PHF20: variants seen among roughly 807,000 people sequenced by gnomAD.
PHF20 encodes glioma-expressed antigen 2.
PHF20 carries 23 observed loss-of-function variants against 113.5 expected under a neutral mutation model. The observed-to-expected ratio is 0.20, with a 90% CI of 0.15 to 0.29. The LOEUF (loss-of-function observed/expected upper bound fraction) is 0.29, where lower values mean the gene tolerates loss of function less well. PHF20 is among the 10% of genes least tolerant of loss of function. PHF20 has a pLI of 1.00. For synonymous variants in PHF20, 434 were observed against 457.3 expected (o/e 0.95, Z 0.65); for missense variants, 943 against 1,219.6 (o/e 0.77, Z 3.38).
intron 14 of PHF20, among the ~76,000 whole-genome samples, chr20:35,929,682 C>A (rs2055713133): frequency 6.6e-6 from 1 of 152,256 alleles, no homozygotes; most frequent in South Asian, 2.1e-4. Flanking sequence ...TTAGAAGTCA[C>A]ACACACCATC....
At chr20:35,819,508 G>A (rs1489329062) in intron 2 of PHF20, among the ~76,000 whole-genome samples, 1 of 152,050 alleles carries the variant, frequency 6.6e-6, no homozygotes, top group Non-Finnish European at 1.5e-5. Context: ...ATCATAGTTC[G>A]CTTCCATTTC....
chr20:35,772,153 G>A (rs1282280440), intron 1 of PHF20, 74 bp downstream of exon 1: 1 of 149,792 alleles, frequency 6.7e-6, no homozygotes, highest in Non-Finnish European at 1.5e-5. Context: ...CGCGCCGTGC[G>A]GGCGGGGACG....
At chr20:35,908,427 C>T (rs115776088) in intron 10 of PHF20, among the ~76,000 whole-genome samples, 75 of 152,348 alleles carry the variant, frequency 4.9e-4, no homozygotes, top group African/African-American at 1.8e-3. Flanking sequence ...ATCTTGCCCT[C>T]TCTGTCTCAA....
At chr20:35,868,518 A>G (rs950115357) in intron 6 of PHF20, among the ~76,000 whole-genome samples, 3 of 152,120 alleles carry the variant, frequency 2.0e-5, no homozygotes, top group Non-Finnish European at 2.9e-5. Context: ...AGGCAGGACA[A>G]TCACTTGAAC....
At chr20:35,796,792 C>T (rs778758770) in intron 1 of PHF20, among the ~76,000 whole-genome samples, 21 of 152,092 alleles carry the variant, frequency 1.4e-4, no homozygotes, top group African/African-American at 2.4e-4. Context: ...TCTACTTCTG[C>T]GTACATCCTG....
At chr20:35,841,333 A>G (rs990856221) in intron 2 of PHF20, among the ~76,000 whole-genome samples, 1 of 151,954 alleles carries the variant, frequency 6.6e-6, no homozygotes, top group Non-Finnish European at 1.5e-5. Flanking sequence ...ACAGAGTGAG[A>G]CCCTGTCTCA....
At chr20:35,791,061 G>A (rs2041535127) in intron 1 of PHF20, among the ~76,000 whole-genome samples, 1 of 152,102 alleles carries the variant, frequency 6.6e-6, no homozygotes, top group Non-Finnish European at 1.5e-5. Flanking sequence ...GTTTCACCAT[G>A]TTGGCCAGGC....
At chr20:35,803,369 G>C (rs1240458216) in intron 2 of PHF20, among the ~76,000 whole-genome samples, 2 of 151,346 alleles carry the variant, frequency 1.3e-5, no homozygotes, top group African/African-American at 2.4e-5. Context: ...TTTCATTCAG[G>C]CTGGAGTGTA....
intron 3 of PHF20, among the ~76,000 whole-genome samples, chr20:35,844,416 G>T (rs11907946): frequency 0.017 from 1,286 of 73,508 alleles, 22 homozygotes; most frequent in African/African-American, 0.048. Flanking sequence ...TTTTTTTTTT[G>T]GTTTTTTTTT....
At chr20:35,847,511 A>G in intron 4 of PHF20, 77 bp downstream of exon 4, 1 of 897,064 alleles carries the variant, frequency 1.1e-6, no homozygotes, top group Non-Finnish European at 1.8e-6. Context: ...TCAGAGCTTG[A>G]TAGTATATTT....
intron 2 of PHF20, among the ~76,000 whole-genome samples, chr20:35,829,329 T>C (rs989841604): frequency 6.6e-6 from 1 of 152,160 alleles, no homozygotes; most frequent in Non-Finnish European, 1.5e-5. Flanking sequence ...ACCAGCCTAC[T>C]TCTCCAAAAT....
chr20:35,794,389 CG>C (rs773006577), intron 1 of PHF20, among the ~76,000 whole-genome samples: 1 of 152,100 alleles, frequency 6.6e-6, no homozygotes, highest in Non-Finnish European at 1.5e-5. Flanking sequence ...GAACAGGGTC[CG>C]GGTGCCTTGT....
chr20:35,927,954 A>G, intron 14 of PHF20, 75 bp downstream of exon 14: 3 of 1,020,582 alleles, frequency 2.9e-6, no homozygotes, highest in Non-Finnish European at 4.7e-6. Context: ...ACACATTCTA[A>G]ATGTCTGCGG....
chr20:35,915,852 A>C (rs143614521), intron 12 of PHF20, among the ~76,000 whole-genome samples: 1 of 152,306 alleles, frequency 6.6e-6, no homozygotes, highest in Non-Finnish European at 1.5e-5. Flanking sequence ...TAAAAAATGA[A>C]AGCTGGGTGC....
chr20:35,902,101 A>G (rs2055108706), intron 10 of PHF20, among the ~76,000 whole-genome samples: 1 of 152,118 alleles, frequency 6.6e-6, no homozygotes, highest in Non-Finnish European at 1.5e-5. Context: ...TATGTGGCTG[A>G]GTTGGGTACA....
At chr20:35,803,868 C>CG (rs2041831377) in intron 2 of PHF20, among the ~76,000 whole-genome samples, 1 of 151,490 alleles carries the variant, frequency 6.6e-6, no homozygotes, top group South Asian at 2.1e-4. Flanking sequence ...TCCTCGCCCA[C>CG]CCCTGATATA....
intron 15 of PHF20, among the ~76,000 whole-genome samples, chr20:35,934,644 G>A (rs1204494630): frequency 1.3e-5 from 2 of 152,124 alleles, no homozygotes; most frequent in African/African-American, 4.8e-5. Context: ...AGAGAAAGAA[G>A]AGGGAGGGCA....
intron 2 of PHF20, among the ~76,000 whole-genome samples, chr20:35,825,266 C>G (rs1460856631): frequency 6.6e-6 from 1 of 152,164 alleles, no homozygotes; most frequent in African/African-American, 2.4e-5. Flanking sequence ...AAGTGATTGT[C>G]CTGCCTCAGG....
chr20:35,805,901 G>A (rs939773623), intron 2 of PHF20, among the ~76,000 whole-genome samples: 3 of 150,188 alleles, frequency 2.0e-5, no homozygotes, highest in Non-Finnish European at 3.0e-5. Flanking sequence ...TTGCTCTGTC[G>A]CCCAGTCTGG....
Sources: gnomAD v4.1 joint callset for allele counts (sites outside exome capture counted in the v4.1 genomes callset) on GRCh38, gnomAD v4.1.1 for gene constraint, MANE v1.5 for transcripts, NCBI Gene and HGNC (gene_info 2026-07-23, HGNC 2026-07-21) for gene names.